Variants in CLEC16A observed in about 807,000 individuals in gnomAD.
The protein encoded by CLEC16A is protein CLEC16A.
CLEC16A carries 51 observed loss-of-function variants against 109.5 expected under a neutral mutation model. The ratio of observed to expected loss-of-function variants is 0.47; its 90% confidence interval spans 0.37 to 0.59. CLEC16A has a LOEUF of 0.59. Among genes scored for constraint, CLEC16A ranks in the 20% least tolerant of loss-of-function variants. The pLI, the probability that CLEC16A is intolerant of heterozygous loss-of-function variation, is 0.00. For missense variants in CLEC16A, 1,339 were observed against 1,394.0 expected (o/e 0.96, Z 0.63); for synonymous variants, 673 against 564.2 (o/e 1.19, Z -2.73).
intron 23 of CLEC16A, among the ~76,000 whole-genome samples, chr16:11,176,417 C>G: frequency 6.6e-6 from 1 of 152,016 alleles, no homozygotes; most frequent in East Asian, 1.9e-4. Flanking sequence ...CTCTCTCTCT[C>G]TCTTTTAAAA....
intron 18 of CLEC16A, among the ~76,000 whole-genome samples, chr16:11,054,948 T>C (rs76379508): frequency 1.3e-4 from 19 of 150,526 alleles, no homozygotes; most frequent in Admixed American, 3.3e-4. Flanking sequence ...TTTTTTTTTT[T>C]TCCACCAAGT....
intron 12 of CLEC16A, among the ~76,000 whole-genome samples, chr16:11,022,337 C>CTTTTT (rs36094157): frequency 2.2e-4 from 21 of 93,468 alleles, no homozygotes; most frequent in African/African-American, 3.4e-4. Flanking sequence ...GTCTGGCTAC[C>CTTTTT]TTTTTTTTTT....
intron 13 of CLEC16A, among the ~76,000 whole-genome samples, chr16:11,032,480 AG>A (rs1424702951): frequency 6.6e-6 from 1 of 152,274 alleles, no homozygotes; most frequent in Non-Finnish European, 1.5e-5. Context: ...AGCGCTTGCC[AG>A]GGCAAGGCCC....
At chr16:11,146,099 C>T (rs1001675231) in intron 22 of CLEC16A, among the ~76,000 whole-genome samples, 1 of 152,208 alleles carries the variant, frequency 6.6e-6, no homozygotes, top group African/African-American at 2.4e-5. Flanking sequence ...CTATGTGGCT[C>T]TGTCCTTGCT....
At chr16:11,159,417 C>T (rs1195153303) in intron 22 of CLEC16A, among the ~76,000 whole-genome samples, 1 of 152,240 alleles carries the variant, frequency 6.6e-6, no homozygotes, top group Non-Finnish European at 1.5e-5. Context: ...CAGCCTTGCC[C>T]TGTCTGATTT....
chr16:11,092,361 A>ACACACACACACAC (rs2050354709), intron 19 of CLEC16A, among the ~76,000 whole-genome samples: 7 of 132,436 alleles, frequency 5.3e-5, no homozygotes, highest in Non-Finnish European at 6.5e-5. Flanking sequence ...AACAAAAACA[A>ACACACACACACAC]ACACACACAC....
At chr16:10,969,572 T>G (rs998874097) in intron 4 of CLEC16A, among the ~76,000 whole-genome samples, 16 of 152,204 alleles carry the variant, frequency 1.1e-4, no homozygotes, top group Non-Finnish European at 2.2e-4. Flanking sequence ...GGCCTTGAAC[T>G]TCCGGGGCAC....
At chr16:11,090,635 T>G (rs1422853808) in intron 19 of CLEC16A, among the ~76,000 whole-genome samples, 2 of 152,030 alleles carry the variant, frequency 1.3e-5, no homozygotes, top group Non-Finnish European at 2.9e-5. Flanking sequence ...GATTTTTGTT[T>G]CTATTTTATT....
chr16:10,964,211 G>A (rs978921656), intron 3 of CLEC16A, among the ~76,000 whole-genome samples: 9 of 152,274 alleles, frequency 5.9e-5, no homozygotes, highest in African/African-American at 2.2e-4. Flanking sequence ...TGGTGCTGCT[G>A]CCTCAGAGAC....
chr16:11,051,629 G>A lies in CLEC16A; in HGVS notation c.1983G>A (p.Glu661=), dbSNP rs2047945482. The change falls in exon 18 of 24, where the codon GAG becomes GAA. Residue 661 remains glutamate (E), a synonymous_variant. Transcript: ENST00000409790. ...AGCGGCTGCCGTGTGGCGATGTGGAGAAGACCCGGCGGGTGAGTGAGCACA... is the reference window on the plus strand; with the variant it reads ...AGCGGCTGCCGTGTGGCGATGTGGAAAAGACCCGGCGGGTGAGTGAGCACA... The part of the protein sequence containing the change: ...FVKRLPCGDV[E]KTRRAIRVFF... 2 of 1,613,988 alleles carry A rather than the reference G, an allele frequency of 1.2e-6. No homozygotes were observed. Among genetic ancestry groups the A allele is most frequent in the African/African-American group, 1.3e-5 (1 of 75,076 alleles).
At position 11,055,575 on chromosome 16, in the gene CLEC16A, C is replaced by CTTTTTTTTTTTTTTTTTTT. The variant is rs71136609; in HGVS notation, c.1995+3947_1995+3965dup. On this transcript the variant is annotated intron_variant, in intron 18 of 23. Transcript: ENST00000409790. ...CACGATAACGCCGTTTTCCCTCTTG[C>CTTTTTTTTTTTTTTTTTTT]TTTTTTTTTTTTTTTTTTTTTTTTT... Among the ~76,000 whole-genome samples, 7 of 41,756 alleles carry CTTTTTTTTTTTTTTTTTTT rather than the reference C, an allele frequency of 1.7e-4. 3 individuals carry two copies. The highest frequency in any genetic ancestry group is 4.3e-4 in the African/African-American group (4 of 9,264). The allele number at this position is 41,756 out of a possible 152,430, so 27.4% of individuals were successfully genotyped here. A position where few individuals can be genotyped will look rare whatever the true frequency, so the allele number is the denominator to read the frequency against.
At chr16:11,133,160 G>A (rs779640156) in intron 22 of CLEC16A, among the ~76,000 whole-genome samples, 7 of 152,156 alleles carry the variant, frequency 4.6e-5, no homozygotes, top group East Asian at 1.9e-4. Context: ...CCGACATGGC[G>A]AAACCTCGTC....
chr16:10,945,762 A>G (rs574421569), intron 1 of CLEC16A, among the ~76,000 whole-genome samples: 1 of 152,240 alleles, frequency 6.6e-6, no homozygotes, highest in African/African-American at 2.4e-5. Context: ...AGACCACCCT[A>G]CCTAACGTGC....
chr16:11,136,095 G>A (rs1409362152), intron 22 of CLEC16A: 6 of 152,286 alleles, frequency 3.9e-5, no homozygotes, highest in Admixed American at 3.9e-4. Flanking sequence ...CAGGTGAGAA[G>A]CAGCAGAATG....
intron 19 of CLEC16A, among the ~76,000 whole-genome samples, chr16:11,095,199 G>A (rs1275794372): frequency 6.6e-6 from 1 of 152,022 alleles, no homozygotes; most frequent in Non-Finnish European, 1.5e-5. Context: ...TAATGTTATG[G>A]AACGTGGAAA....
intron 22 of CLEC16A, among the ~76,000 whole-genome samples, chr16:11,139,334 C>G (rs1252412143): frequency 1.3e-5 from 2 of 152,228 alleles, no homozygotes; most frequent in Admixed American, 6.5e-5. Context: ...GCTTTCTACA[C>G]TTCTTTTCTC....
intron 19 of CLEC16A, among the ~76,000 whole-genome samples, chr16:11,068,792 A>G (rs566086070): frequency 6.6e-6 from 1 of 152,214 alleles, no homozygotes; most frequent in South Asian, 2.1e-4. Flanking sequence ...GATTGAAAAC[A>G]TTTCTATTTT....
At position 11,178,611 on chromosome 16, in the gene CLEC16A, C is replaced by T; in HGVS notation, c.3083C>T (p.Ser1028Phe). 4 of 1,604,008 alleles carry T rather than the reference C, an allele frequency of 2.5e-6. No individual in the cohort carries two copies. The highest frequency in any genetic ancestry group is 2.2e-5 in the East Asian group (1 of 44,726). ...LRSLTGMPPL[S>F]TPAAACTEPV... The stretch of plus-strand genomic sequence containing the variant: ...AGCCTCACCGGCATGCCCCCGCTGT[C>T]CACGCCGGCTGCCGCCTGCACAGAG... The change falls in exon 24 of 24, where the codon TCC (serine) becomes TTC (phenylalanine). Residue 1028 changes from serine to phenylalanine, a missense_variant. Ser to Phe is a radical substitution (Grantham distance 155). Around this residue, in one of 3 missense-constraint regions of CLEC16A, gnomAD observed 1,061 missense variants for 1,006.8 expected, o/e 1.05. Coordinates refer to ENST00000409790, the MANE Select transcript of CLEC16A (RefSeq NM_015226.3). The surrounding 1 kb of genome is among the most constrained non-coding windows in gnomAD (Gnocchi z 6.5).
intron 22 of CLEC16A, among the ~76,000 whole-genome samples, chr16:11,151,950 G>A (rs1200439432): frequency 6.6e-6 from 1 of 152,116 alleles, no homozygotes; most frequent in Non-Finnish European, 1.5e-5. Context: ...CTTAATTAAC[G>A]GAACTACAGA....
Sources: gnomAD v4.1 joint callset for allele counts (sites outside exome capture counted in the v4.1 genomes callset) on GRCh38, gnomAD v4.1.1 for gene constraint, gnomAD v4.1.1 regional missense constraint, Gnocchi (gnomAD v3.1) non-coding constraint, MANE v1.5 for transcripts, NCBI Gene and HGNC (gene_info 2026-07-23, HGNC 2026-07-21) for gene names.